CERT1: variants seen among roughly 807,000 people sequenced by gnomAD.
CERT1 encodes the protein ceramide transfer protein.
CERT1 carries 31 observed loss-of-function variants against 87.9 expected under a neutral mutation model. That is an observed-to-expected ratio of 0.35 (90% CI 0.27 to 0.48). The LOEUF (loss-of-function observed/expected upper bound fraction) is 0.48. CERT1 is among the 20% of genes least tolerant of loss of function. The probability of loss-of-function intolerance (pLI) is 0.99; values close to 1 mark genes in which losing one functional copy is unlikely to be tolerated. For synonymous variants in CERT1, 289 were observed against 250.9 expected, an observed-to-expected ratio of 1.15 and a Z score of -1.44; for missense variants, 487 against 758.0, an observed-to-expected ratio of 0.64 and a Z score of 4.20.
At chr5:75,497,038 A>G (rs1209142849) in intron 2 of CERT1, among the ~76,000 whole-genome samples, 4 of 152,198 alleles carry the variant, frequency 2.6e-5, no homozygotes, top group Non-Finnish European at 5.9e-5. Context: ...CAATAAATAG[A>G]TCAAAGAAAA....
At chr5:75,439,997 C>G (rs375130738) in intron 3 of CERT1, among the ~76,000 whole-genome samples, 2 of 152,032 alleles carry the variant, frequency 1.3e-5, no homozygotes, top group African/African-American at 4.8e-5. Context: ...ATCACTGTAA[C>G]AGACAATTAG....
At chr5:75,400,145 T>C (rs1372340052) in intron 10 of CERT1, 60 bp downstream of exon 10, 5 of 1,236,526 alleles carry the variant, frequency 4.0e-6, no homozygotes, top group African/African-American at 1.5e-5. Flanking sequence ...AAAAGATATT[T>C]CCACCAACAA....
chr5:75,373,577 C>CA (rs1398305207), downstream of CERT1: 1 of 152,174 alleles, frequency 6.6e-6, no homozygotes, highest in Non-Finnish European at 1.5e-5. Context: ...ATAGAAAAGG[C>CA]AAAATCACAG....
chr5:75,429,821 T>C (rs565406389), intron 3 of CERT1, among the ~76,000 whole-genome samples: 9 of 144,262 alleles, frequency 6.2e-5, no homozygotes, highest in African/African-American at 2.3e-4. Flanking sequence ...CTAGATAAGT[T>C]CATCCAAATA....
At chr5:75,493,651 A>G (rs1226208951) in intron 2 of CERT1, among the ~76,000 whole-genome samples, 1 of 152,140 alleles carries the variant, frequency 6.6e-6, no homozygotes, top group Non-Finnish European at 1.5e-5. Flanking sequence ...GAGTCTTTTT[A>G]AAAATCTATT....
chr5:75,378,555 G>C lies in CERT1; in HGVS notation c.*791C>G, dbSNP rs1357337759. 6.6e-6 allele frequency: 1 copy of C among 152,170 alleles called. No homozygotes were observed. The highest frequency in any genetic ancestry group is 1.9e-4 in the East Asian group (1 of 5,190). 9.4% of individuals were successfully genotyped at this position (152,170 alleles called of 1,614,324 possible). ...AGTTAATAAATTCTGCAACATGCATGTAACAGATGTTAAAAGAATGAGATG... is the reference window on the plus strand; with the variant it reads ...AGTTAATAAATTCTGCAACATGCATCTAACAGATGTTAAAAGAATGAGATG... On this transcript the variant is annotated 3_prime_UTR_variant, in exon 17 of 17. Coordinates refer to ENST00000643780, the MANE Select transcript of CERT1 (RefSeq NM_001379029.1).
intron 3 of CERT1, among the ~76,000 whole-genome samples, chr5:75,440,344 C>T (rs1049307048): frequency 1.3e-5 from 2 of 152,018 alleles, no homozygotes; most frequent in Non-Finnish European, 2.9e-5. Flanking sequence ...CAATTAACTT[C>T]ACTGAATACC....
Position 75,411,068 on chromosome 5 carries a change from A to G in CERT1, c.873T>C (p.Tyr291=), listed in dbSNP as rs1350451698. 4.4e-6 allele frequency: 7 copies of G among 1,595,282 alleles called. No homozygotes were observed. The highest frequency in any genetic ancestry group is 6.0e-6 in the Non-Finnish European group (7 of 1,169,262). ...TEKKRRTEEA[Y]KNAMTELKKK... The stretch of plus-strand genomic sequence containing the variant: ...TCTTAAGTTCTGTCATTGCATTTTT[A>G]TATGCTTCCTCTGTTCTTCTTTTCT... The change falls in exon 8 of 17, where the codon TAT becomes TAC. Residue 291 remains tyrosine (Y), a synonymous_variant. Transcript: ENST00000643780.
chr5:75,407,182 CA>C (rs1232090946), intron 8 of CERT1, among the ~76,000 whole-genome samples: 1 of 151,862 alleles, frequency 6.6e-6, no homozygotes, highest in Admixed American at 6.6e-5. Flanking sequence ...AAGTGCATTT[CA>C]AATAGGTGAA....
chr5:75,382,503 A>G (rs1160059768), intron 14 of CERT1, among the ~76,000 whole-genome samples: 2 of 151,988 alleles, frequency 1.3e-5, no homozygotes, highest in Non-Finnish European at 2.9e-5. Flanking sequence ...TCAAAGATTT[A>G]ATGAAAAAAG....
chr5:75,394,862 T>C (rs1314472927), intron 11 of CERT1, among the ~76,000 whole-genome samples: 1 of 152,208 alleles, frequency 6.6e-6, no homozygotes, highest in African/African-American at 2.4e-5. Context: ...TACAAGGATT[T>C]TAAAAAATCA....
intron 2 of CERT1, among the ~76,000 whole-genome samples, chr5:75,475,674 G>A (rs57566899): frequency 0.079 from 11,938 of 151,642 alleles, 567 homozygotes; most frequent in South Asian, 0.17. Flanking sequence ...TTGTTTTCCT[G>A]CTTGGGGGCT....
intron 3 of CERT1, among the ~76,000 whole-genome samples, chr5:75,439,090 C>T (rs1764209023): frequency 6.6e-6 from 1 of 151,630 alleles, no homozygotes; most frequent in Non-Finnish European, 1.5e-5. Flanking sequence ...TATATATATA[C>T]CTTTATGCTT....
chr5:75,484,592 C>T (rs1766418456), intron 2 of CERT1, among the ~76,000 whole-genome samples: 1 of 148,744 alleles, frequency 6.7e-6, no homozygotes, highest in Non-Finnish European at 1.5e-5. Flanking sequence ...AAATAGCAGG[C>T]TTAGCTATTC....
At chr5:75,481,019 C>G (rs1032084562) in intron 2 of CERT1, among the ~76,000 whole-genome samples, 1 of 152,116 alleles carries the variant, frequency 6.6e-6, no homozygotes, top group African/African-American at 2.4e-5. Context: ...TCCTGTTGCA[C>G]GGATCAAATC....
rs554784590 is a variant in CERT1 at position 75,433,148 on chromosome 5, C to CT, written c.349-6671dup. 3.4e-4 allele frequency among the ~76,000 whole-genome samples: 52 copies of CT among 152,180 alleles called. No individual in the cohort carries two copies. In the East Asian group the frequency reaches 9.5e-3, roughly 28 times the overall value. ...GTAGTGTGATACCTCCAGCTTTGTT[C>CT]TTTTTGCTGAGGATTGTTCTATTTG... On this transcript the variant is annotated intron_variant, in intron 3 of 16. Transcript: ENST00000643780.
chr5:75,388,005 C>CTTAG (rs1396066837), intron 12 of CERT1, among the ~76,000 whole-genome samples: 1 of 152,134 alleles, frequency 6.6e-6, no homozygotes, highest in African/African-American at 2.4e-5. Flanking sequence ...GGTGACTCTA[C>CTTAG]GGTGACTGAA....
At chr5:75,412,031 A>G (rs1762952821) in intron 7 of CERT1, among the ~76,000 whole-genome samples, 1 of 152,220 alleles carries the variant, frequency 6.6e-6, no homozygotes. Context: ...TCAACACTTA[A>G]AATAACAAAG....
rs535908156 is a variant in CERT1 at position 75,507,120 on chromosome 5, A to G, written c.97-1004T>C. The stretch of plus-strand genomic sequence containing the variant: ...CATTTTTGAGATTGATTCACTTCTT[A>G]AATTTTCTTTTATTTAGTATTTTCT... On this transcript the variant is annotated intron_variant, in intron 1 of 16. Coordinates refer to ENST00000643780, the MANE Select transcript of CERT1 (RefSeq NM_001379029.1). Among the ~76,000 whole-genome samples the G allele has an allele frequency of 1.3e-3, 202 of 152,000 alleles. 4 individuals are homozygous for G. Among genetic ancestry groups the G allele is most frequent in the Non-Finnish European group, 1.3e-3 (88 of 67,948 alleles).
Sources: gnomAD v4.1 joint callset for allele counts (sites outside exome capture counted in the v4.1 genomes callset) on GRCh38, gnomAD v4.1.1 for gene constraint, MANE v1.5 for transcripts, NCBI Gene and HGNC (gene_info 2026-07-23, HGNC 2026-07-21) for gene names.